CDH13: variants seen among roughly 807,000 people sequenced by gnomAD.
CDH13 encodes cadherin 13, also known as cadherin-13.
In CDH13, 24 loss-of-function variants were observed where a neutral mutation model predicts 63.8. The observed-to-expected ratio is 0.38, with a 90% CI of 0.27 to 0.53. The LOEUF is 0.53. CDH13 is among the 20% of genes least tolerant of loss of function. The pLI is 0.85. For synonymous variants in CDH13, 503 were observed against 355.3 expected, an observed-to-expected ratio of 1.42 and a Z score of -4.67; for missense variants, 1,049 against 903.1, an observed-to-expected ratio of 1.16 and a Z score of -2.07.
chr16:83,703,357 G>A (rs910192534), intron 10 of CDH13, among the ~76,000 whole-genome samples: 1 of 152,160 alleles, frequency 6.6e-6, no homozygotes, highest in African/African-American at 2.4e-5. Flanking sequence ...CCTTATTTAT[G>A]GTAGCAAAAA....
intron 10 of CDH13, among the ~76,000 whole-genome samples, chr16:83,692,800 C>A (rs1251487708): frequency 6.6e-6 from 1 of 152,148 alleles, no homozygotes. Flanking sequence ...AAGCACATAG[C>A]CGGCTGGGCA....
At chr16:83,354,536 A>G (rs2091017102) in intron 6 of CDH13, among the ~76,000 whole-genome samples, 1 of 152,208 alleles carries the variant, frequency 6.6e-6, no homozygotes. Context: ...GATAAGCCAG[A>G]TAATTTAAGT....
intron 8 of CDH13, among the ~76,000 whole-genome samples, chr16:83,610,393 A>G (rs1295473160): frequency 6.6e-6 from 1 of 152,212 alleles, no homozygotes; most frequent in East Asian, 1.9e-4. Flanking sequence ...TCCATATGAA[A>G]AAAGTACACA....
intron 2 of CDH13, among the ~76,000 whole-genome samples, chr16:83,005,226 A>T (rs1913362689): frequency 6.6e-6 from 1 of 152,188 alleles, no homozygotes; most frequent in Admixed American, 6.5e-5. Context: ...TCACAGCTGG[A>T]CATTGCTGGA....
intron 1 of CDH13, among the ~76,000 whole-genome samples, chr16:82,725,239 A>G (rs2033028171): frequency 6.6e-6 from 1 of 152,172 alleles, no homozygotes; most frequent in African/African-American, 2.4e-5. Context: ...AATAACGTAC[A>G]TATGTCTCTT....
intron 2 of CDH13, among the ~76,000 whole-genome samples, chr16:83,008,078 C>A (rs777371420): frequency 6.6e-6 from 1 of 152,092 alleles, no homozygotes; most frequent in Non-Finnish European, 1.5e-5. Flanking sequence ...TTCATTGATT[C>A]ATTATGTTTA....
At chr16:83,315,798 G>T (rs780226600) in intron 5 of CDH13, among the ~76,000 whole-genome samples, 11 of 151,918 alleles carry the variant, frequency 7.2e-5, no homozygotes, top group Non-Finnish European at 1.5e-4. Flanking sequence ...TGTTATAGTG[G>T]GTGAATGTTC....
chr16:82,968,868 C>G (rs1908270037), intron 2 of CDH13, among the ~76,000 whole-genome samples: 1 of 152,104 alleles, frequency 6.6e-6, no homozygotes, highest in Non-Finnish European at 1.5e-5. Flanking sequence ...GCCTGTAATC[C>G]CAGCAGTTTG....
intron 4 of CDH13, among the ~76,000 whole-genome samples, chr16:83,138,273 A>G (rs1244591643): frequency 6.6e-6 from 1 of 152,186 alleles, no homozygotes; most frequent in African/African-American, 2.4e-5. Context: ...CAAGCACTGC[A>G]CTGGCTACTG....
At chr16:83,020,891 G>T (rs1915284303) in intron 2 of CDH13, among the ~76,000 whole-genome samples, 1 of 152,222 alleles carries the variant, frequency 6.6e-6, no homozygotes, top group African/African-American at 2.4e-5. Context: ...TTTGTCACAT[G>T]TCCCTAGACA....
At chr16:82,812,961 C>A (rs12598671) in intron 1 of CDH13, among the ~76,000 whole-genome samples, 23,736 of 151,932 alleles carry the variant, frequency 0.16, 2,619 homozygotes, top group East Asian at 0.61. Context: ...GTGGGAAAGG[C>A]TAGACTTCAA....
In CDH13 at chr16:82,783,165, C is replaced by T. The variant is rs1427567594; in HGVS notation, c.46-75197C>T. ...ATTTCCTGTGAAAGAAACAGGCTTC[C>T]AGGAGCATGGGCAATCCATACTCAT... is the stretch of plus-strand genomic sequence containing the variant. On this transcript the variant is annotated intron_variant, in intron 1 of 13. Transcript: ENST00000567109. 2.6e-5 allele frequency among the ~76,000 whole-genome samples: 4 copies of T among 152,326 alleles called. No individual in the cohort carries two copies. The East Asian group carries it at 7.7e-4, about 29-fold the overall frequency.
chr16:83,529,139 T>C (rs906571389), intron 7 of CDH13, among the ~76,000 whole-genome samples: 4 of 151,732 alleles, frequency 2.6e-5, no homozygotes, highest in Non-Finnish European at 5.9e-5. Context: ...CGAGCTTGCT[T>C]CTTCAGGAAG....
At chr16:82,870,114 A>G (rs1161846926) in intron 2 of CDH13, among the ~76,000 whole-genome samples, 1 of 151,900 alleles carries the variant, frequency 6.6e-6, no homozygotes, top group Non-Finnish European at 1.5e-5. Context: ...TAAGGAAGTC[A>G]AACAACTCAA....
chr16:83,045,851 A>G (rs998626378), intron 3 of CDH13, among the ~76,000 whole-genome samples: 4 of 152,232 alleles, frequency 2.6e-5, no homozygotes, highest in Admixed American at 2.6e-4. Context: ...ATCAAATTAC[A>G]TGGTCTCATC....
chr16:83,106,993 A>G (rs371296332), intron 3 of CDH13, among the ~76,000 whole-genome samples: 2 of 152,152 alleles, frequency 1.3e-5, no homozygotes, highest in Admixed American at 1.3e-4. Flanking sequence ...CTGGGCAGAC[A>G]CACACTCAAG....
intron 10 of CDH13, among the ~76,000 whole-genome samples, chr16:83,714,673 A>C (rs1019209443): frequency 6.6e-6 from 1 of 152,160 alleles, no homozygotes; most frequent in African/African-American, 2.4e-5. Context: ...AGACTCAGGA[A>C]CTGTTGAATA....
intron 7 of CDH13, among the ~76,000 whole-genome samples, chr16:83,568,118 T>G (rs1316246240): frequency 6.6e-6 from 1 of 151,808 alleles, no homozygotes; most frequent in African/African-American, 2.4e-5. Context: ...CCTCCCAAGC[T>G]CATTTCAAAG....
At chr16:82,764,702 G>A (rs1415839908) in intron 1 of CDH13, among the ~76,000 whole-genome samples, 1 of 152,158 alleles carries the variant, frequency 6.6e-6, no homozygotes, top group Admixed American at 6.5e-5. Context: ...ATGAATGAAA[G>A]ACACAAATTC....
Sources: allele counts gnomAD v4.1 joint callset (sites outside exome capture counted in the v4.1 genomes callset), GRCh38; gene constraint gnomAD v4.1.1; transcripts MANE v1.5; gene names NCBI Gene and HGNC (gene_info 2026-07-23, HGNC 2026-07-21).